NKAIN2: variants seen among roughly 807,000 people sequenced by gnomAD.
NKAIN2 encodes sodium/potassium transporting ATPase interacting 2.
A neutral mutation model predicts 32.6 loss-of-function variants in NKAIN2; 14 were observed. The ratio of observed to expected loss-of-function variants is 0.43; its 90% confidence interval spans 0.28 to 0.67. The LOEUF is 0.67. Ranked by LOEUF, NKAIN2 falls within the 30% of genes least tolerant of loss-of-function variation. The probability of loss-of-function intolerance (pLI) is 0.17; values close to 1 mark genes in which losing one functional copy is unlikely to be tolerated. For synonymous variants in NKAIN2, 80 were observed against 87.2 expected (o/e 0.92, Z 0.46); for missense variants, 198 against 258.3 (o/e 0.77, Z 1.60).
chr6:123,992,154 A>G (rs1424783402), intron 1 of NKAIN2, among the ~76,000 whole-genome samples: 2 of 152,118 alleles, frequency 1.3e-5, no homozygotes, highest in South Asian at 2.1e-4. Flanking sequence ...GTAGGGAACC[A>G]TTTGCTTTGG....
At chr6:124,016,697 C>T (rs1443434099) in intron 1 of NKAIN2, among the ~76,000 whole-genome samples, 2 of 152,076 alleles carry the variant, frequency 1.3e-5, no homozygotes, top group East Asian at 3.9e-4. Context: ...TTATTTTGTT[C>T]CAAGCATAGT....
intron 1 of NKAIN2, among the ~76,000 whole-genome samples, chr6:123,891,560 T>C (rs559122103): frequency 1.2e-4 from 18 of 152,300 alleles, no homozygotes; most frequent in African/African-American, 4.3e-4. Context: ...CAAAGACCAG[T>C]GCCCAAACAT....
intron 1 of NKAIN2, among the ~76,000 whole-genome samples, chr6:124,280,848 T>C (rs1582982134): frequency 6.6e-6 from 1 of 152,308 alleles, no homozygotes; most frequent in East Asian, 1.9e-4. Context: ...ATAATGCTAC[T>C]TATGATCCCT....
At chr6:124,707,079 G>C (rs1583685021) in intron 4 of NKAIN2, among the ~76,000 whole-genome samples, 1 of 147,632 alleles carries the variant, frequency 6.8e-6, no homozygotes, top group African/African-American at 2.5e-5. Context: ...CTATGAGTGA[G>C]AATATGCGGT....
intron 1 of NKAIN2, among the ~76,000 whole-genome samples, chr6:124,238,017 T>A (rs1021440472): frequency 6.6e-6 from 1 of 152,068 alleles, no homozygotes; most frequent in African/African-American, 2.4e-5. Flanking sequence ...CAGAGACTTA[T>A]TTAGGAAAGT....
chr6:124,807,723 C>T (rs1370467836), intron 5 of NKAIN2, among the ~76,000 whole-genome samples: 4 of 151,174 alleles, frequency 2.6e-5, no homozygotes, highest in Admixed American at 2.0e-4. Context: ...AAAGGATCAA[C>T]AAAATTGATA....
Position 123,830,359 on chromosome 6 carries a change from G to A in NKAIN2, c.54+26105G>A, listed in dbSNP as rs776414542. Among the ~76,000 whole-genome samples, 13 of 152,044 alleles carry A rather than the reference G, an allele frequency of 8.6e-5. 1 individual carries two copies. Among genetic ancestry groups the A allele is most frequent in the Non-Finnish European group, 1.6e-4 (11 of 68,024 alleles). On this transcript the variant is annotated intron_variant, in intron 1 of 6. Coordinates refer to ENST00000368417, the MANE Select transcript of NKAIN2 (RefSeq NM_001040214.3). Reference sequence around the variant, plus strand: ...TCAAAGCCTTCCTGTTGCTCTAGGCGTAAAGGCAAAACTCCTTAACATAAT... The same window carrying A: ...TCAAAGCCTTCCTGTTGCTCTAGGCATAAAGGCAAAACTCCTTAACATAAT...
chr6:124,711,181 C>T (rs201134707), intron 4 of NKAIN2, among the ~76,000 whole-genome samples: 2 of 136,380 alleles, frequency 1.5e-5, no homozygotes, highest in Non-Finnish European at 3.1e-5. Flanking sequence ...TGGCTTGTAG[C>T]GTTTCTGCTG....
intron 1 of NKAIN2, among the ~76,000 whole-genome samples, chr6:123,905,441 C>A (rs1774817357): frequency 6.6e-6 from 1 of 152,144 alleles, no homozygotes; most frequent in South Asian, 2.1e-4. Flanking sequence ...GGGCCATAAA[C>A]AAAGCTGCCC....
At chr6:124,305,085 T>G (rs1198238370) in intron 2 of NKAIN2, among the ~76,000 whole-genome samples, 1 of 151,928 alleles carries the variant, frequency 6.6e-6, no homozygotes, top group Non-Finnish European at 1.5e-5. Flanking sequence ...GAATGAAAAA[T>G]GGGTAGTGGT....
intron 1 of NKAIN2, among the ~76,000 whole-genome samples, chr6:123,868,018 A>C (rs9482478): frequency 1.3e-5 from 2 of 151,926 alleles, no homozygotes; most frequent in East Asian, 1.9e-4. Flanking sequence ...ACAGGCGCAC[A>C]CCACCACACC....
intron 1 of NKAIN2, among the ~76,000 whole-genome samples, chr6:123,919,275 T>C (rs1178635372): frequency 6.6e-6 from 1 of 152,122 alleles, no homozygotes; most frequent in Non-Finnish European, 1.5e-5. Flanking sequence ...GCATGGTTTC[T>C]TTTGTTTGTG....
chr6:124,773,761 A>G (rs1665224520), intron 4 of NKAIN2, among the ~76,000 whole-genome samples: 1 of 152,072 alleles, frequency 6.6e-6, no homozygotes, highest in South Asian at 2.1e-4. Context: ...GAAAAATAAT[A>G]GAGTGGGGTT....
At chr6:124,404,059 T>C (rs1773741535) in intron 3 of NKAIN2, among the ~76,000 whole-genome samples, 1 of 152,202 alleles carries the variant, frequency 6.6e-6, no homozygotes, top group Non-Finnish European at 1.5e-5. Context: ...TAACTGGTTA[T>C]ATTTTAATAT....
intron 4 of NKAIN2, among the ~76,000 whole-genome samples, chr6:124,705,117 C>T (rs1774992746): frequency 1.3e-5 from 2 of 151,942 alleles, no homozygotes; most frequent in Non-Finnish European, 2.9e-5. Context: ...AGAACAAGAT[C>T]ATGATCACAC....
chr6:124,271,006 G>T (rs900974366), intron 1 of NKAIN2, among the ~76,000 whole-genome samples: 3 of 152,180 alleles, frequency 2.0e-5, no homozygotes, highest in Non-Finnish European at 4.4e-5. Context: ...CATCAGAGAT[G>T]ATTGGATCCT....
At chr6:124,429,590 G>T (rs1207937825) in intron 3 of NKAIN2, among the ~76,000 whole-genome samples, 1 of 152,102 alleles carries the variant, frequency 6.6e-6, no homozygotes, top group Admixed American at 6.6e-5. Context: ...TGTATCATTG[G>T]TGCTAAGACT....
At chr6:124,420,654 T>A (rs1774704585) in intron 3 of NKAIN2, among the ~76,000 whole-genome samples, 1 of 152,180 alleles carries the variant, frequency 6.6e-6, no homozygotes. Flanking sequence ...TGTTCCAACA[T>A]TATCCCAGAT....
intron 2 of NKAIN2, among the ~76,000 whole-genome samples, chr6:124,288,114 T>A (rs1795645115): frequency 6.6e-6 from 1 of 152,206 alleles, no homozygotes; most frequent in African/African-American, 2.4e-5. Flanking sequence ...AATTTCTTGT[T>A]TCTTACCAAT....
Sources: gnomAD v4.1 joint callset for allele counts (sites outside exome capture counted in the v4.1 genomes callset) on GRCh38, gnomAD v4.1.1 for gene constraint, MANE v1.5 for transcripts, NCBI Gene and HGNC (gene_info 2026-07-23, HGNC 2026-07-21) for gene names.